The following UTRN variants were observed in gnomAD, a reference collection of about 807,000 sequenced individuals.
The protein encoded by UTRN is utrophin.
UTRN carries 283 observed loss-of-function variants against 463.9 expected under a neutral mutation model. The ratio of observed to expected loss-of-function variants is 0.61; its 90% CI spans 0.55 to 0.67. The LOEUF (loss-of-function observed/expected upper bound fraction) is 0.67. Ranked by LOEUF, UTRN falls within the 30% of genes least tolerant of loss-of-function variation. UTRN has a pLI of 0.00. For synonymous variants in UTRN, 1,442 were observed against 1,431.5 expected (o/e 1.01, Z -0.17); for missense variants, 3,922 against 4,084.3 (o/e 0.96, Z 1.08).
chr6:144,553,100 C>T (rs1799067091), intron 48 of UTRN, among the ~76,000 whole-genome samples: 1 of 152,102 alleles, frequency 6.6e-6, no homozygotes, highest in Middle Eastern at 3.2e-3. Context: ...TGCAATGGTG[C>T]AATCTTGACT....
At position 144,447,699 on chromosome 6, in the gene UTRN, C is replaced by G. The variant is rs752346680; in HGVS notation, c.1820C>G (p.Ser607Cys). The change falls in exon 16 of 75, where the codon TCT becomes TGT. Residue 607 changes from serine (S) to cysteine (C), a missense_variant. Physicochemically the swap from Ser to Cys is moderately radical, Grantham distance 112. Coordinates refer to ENST00000367545, the MANE Select transcript of UTRN (RefSeq NM_007124.3). ...CAATTACTTGATAATTCCAAGGCAT[C>G]TAAGAAGATCAACAGTGACTCAGAG... ...VGQLLDNSKA[S>C]KKINSDSEEL... is the part of the protein sequence containing the mutation. 1.1e-5 allele frequency: 17 copies of G among 1,613,882 alleles called. No individual in the cohort carries two copies. Among genetic ancestry groups the G allele is most frequent in the African/African-American group, 1.3e-5 (1 of 74,894 alleles).
intron 3 of UTRN, among the ~76,000 whole-genome samples, chr6:144,418,486 G>A (rs1784551670): frequency 6.6e-6 from 1 of 151,732 alleles, no homozygotes; most frequent in African/African-American, 2.4e-5. Flanking sequence ...GCCTCCTAAA[G>A]TGCTGGGATT....
intron 33 of UTRN, among the ~76,000 whole-genome samples, chr6:144,496,178 T>C (rs1451452518): frequency 6.6e-6 from 1 of 152,216 alleles, no homozygotes; most frequent in African/African-American, 2.4e-5. Context: ...TAGGTAATAT[T>C]GAAAACCCAT....
At position 144,762,373 on chromosome 6, in the gene UTRN, A is replaced by T. The variant is rs1416404924; in HGVS notation, c.8495+4384A>T. The stretch of plus-strand genomic sequence containing the variant: ...GATTATATTTAGGAAGGAGGATAGT[A>T]GTGGAGAAAGTATGAGCAAACATCC... On this transcript the variant is annotated intron_variant, in intron 58 of 74. Coordinates refer to ENST00000367545, the MANE Select transcript of UTRN (RefSeq NM_007124.3). Among the ~76,000 whole-genome samples the T allele has an allele frequency of 2.0e-5, 3 of 152,204 alleles. No individual in the cohort carries two copies. In the East Asian group the frequency reaches 5.8e-4, roughly 29 times the overall value.
Position 144,516,381 on chromosome 6 carries a change from T to A in UTRN, c.5397T>A (p.Asp1799Glu), listed in dbSNP as rs201803430. 1.2e-6 allele frequency: 2 copies of A among 1,612,568 alleles called. No individual in the cohort carries two copies. ...VEKHLESSDE[D>E]EKMDEESAQI... ...AACACTTGGAATCCAGTGATGAAGA[T>A]GAAAAGGTTGGTTCAAGGAGATTTC... is the stretch of plus-strand genomic sequence containing the variant. The change falls in exon 38 of 75, where the codon GAT (aspartate) becomes GAA (glutamate). Residue 1799 changes from aspartate (D) to glutamate (E), a missense_variant. By Grantham distance (45) the Asp-to-Glu change is conservative. This residue lies in a region of UTRN where 2,349 missense variants were observed against 2,303.8 expected (regional missense o/e 1.02). Coordinates refer to ENST00000367545, the MANE Select transcript of UTRN (RefSeq NM_007124.3).
chr6:144,313,354 T>C (rs187175565), intron 2 of UTRN, among the ~76,000 whole-genome samples: 122 of 139,536 alleles, frequency 8.7e-4, no homozygotes, highest in Non-Finnish European at 1.4e-4. Flanking sequence ...TTTCTGATAC[T>C]GAAAAAAAAA....
intron 39 of UTRN, among the ~76,000 whole-genome samples, chr6:144,518,901 G>C (rs112099248): frequency 0.038 from 5,765 of 152,114 alleles, 291 homozygotes; most frequent in African/African-American, 0.11. Flanking sequence ...GAGAATTACT[G>C]TGGGGGAGCT....
chr6:144,444,497 A>C, intron 14 of UTRN, 115 bp downstream of exon 14: 1 of 582,416 alleles, frequency 1.7e-6, no homozygotes, highest in Non-Finnish European at 2.7e-6. Context: ...AAAATATATA[A>C]ATAATTATTT....
At chr6:144,744,447 T>A (rs1790472739) in intron 54 of UTRN, among the ~76,000 whole-genome samples, 1 of 147,728 alleles carries the variant, frequency 6.8e-6, no homozygotes. Flanking sequence ...TACTTATGTA[T>A]AATATATACA....
chr6:144,291,764 G>T lies in UTRN; in HGVS notation c.-65G>T. The T allele has an allele frequency of 6.8e-7, 1 of 1,467,362 alleles. No individual in the cohort carries two copies. The highest frequency in any genetic ancestry group is 1.2e-5 in the South Asian group (1 of 80,704). The allele number at this position is 1,467,362 out of a possible 1,614,324, so 90.9% of individuals were successfully genotyped here. ...ATTGATGTCAAGCTGAACCATCGTA[G>T]GAAGTTGAAAGCCTTAGAAAGAGGA... On this transcript the variant is annotated 5_prime_UTR_variant, in exon 2 of 75. It adds an upstream start codon to the 5' untranslated region. Coordinates refer to ENST00000367545, the MANE Select transcript of UTRN (RefSeq NM_007124.3).
intron 52 of UTRN, among the ~76,000 whole-genome samples, chr6:144,687,319 C>T (rs1393537725): frequency 6.6e-6 from 1 of 151,898 alleles, no homozygotes; most frequent in Non-Finnish European, 1.5e-5. Flanking sequence ...TCTTTCTCAC[C>T]TAACGCATAA....
chr6:144,350,285 A>G (rs1778000029), intron 2 of UTRN, among the ~76,000 whole-genome samples: 1 of 152,144 alleles, frequency 6.6e-6, no homozygotes, highest in Admixed American at 6.5e-5. Context: ...ATGCAAAATG[A>G]AAATTCTACA....
At chr6:144,676,476 A>G (rs1328488717) in intron 51 of UTRN, among the ~76,000 whole-genome samples, 1 of 151,484 alleles carries the variant, frequency 6.6e-6, no homozygotes, top group Non-Finnish European at 1.5e-5. Flanking sequence ...GCCTGAATAT[A>G]TCAGTTATTC....
chr6:144,290,752 CTTTTTTTTTTTTTTTT>C (rs200477118), intron 1 of UTRN, among the ~76,000 whole-genome samples: 8 of 99,138 alleles, frequency 8.1e-5, no homozygotes, highest in African/African-American at 2.5e-4. Flanking sequence ...CCACAATCGT[CTTTTTTTTTTTTTTTT>C]TTTTTTTTTT....
chr6:144,349,743 G>A (rs535271623), intron 2 of UTRN, among the ~76,000 whole-genome samples: 2 of 152,260 alleles, frequency 1.3e-5, no homozygotes, highest in Non-Finnish European at 2.9e-5. Flanking sequence ...ATTTGGATCT[G>A]TTTCATGTTT....
Position 144,832,602 on chromosome 6 carries a change from G to A in UTRN, c.9666-3178G>A, listed in dbSNP as rs539105467. On this transcript the variant is annotated intron_variant, in intron 69 of 74. Transcript: ENST00000367545. Reference sequence around the variant, plus strand: ...TAAATGTTCTGAGGGCATAATGGTGGCTTGTGATCTTGGAGGAACTCTACG... The same window carrying A: ...TAAATGTTCTGAGGGCATAATGGTGACTTGTGATCTTGGAGGAACTCTACG... Among the ~76,000 whole-genome samples the A allele has an allele frequency of 1.8e-4, 27 of 152,266 alleles. No homozygotes were observed. The East Asian group carries it at 2.9e-3, about 16-fold the overall frequency.
intron 32 of UTRN, among the ~76,000 whole-genome samples, chr6:144,492,356 A>C (rs1436115040): frequency 2.0e-5 from 3 of 152,128 alleles, no homozygotes; most frequent in African/African-American, 7.2e-5. Flanking sequence ...ACATGATTTC[A>C]TTTTTTATGG....
At chr6:144,689,642 G>A (rs1250692178) in intron 52 of UTRN, among the ~76,000 whole-genome samples, 1 of 152,082 alleles carries the variant, frequency 6.6e-6, no homozygotes, top group Non-Finnish European at 1.5e-5. Flanking sequence ...ATCCAGTGAT[G>A]TGACCTGTCC....
At chr6:144,436,227 G>A in intron 10 of UTRN, 89 bp downstream of exon 10, 3 of 1,317,590 alleles carry the variant, frequency 2.3e-6, no homozygotes, top group Non-Finnish European at 3.1e-6. Flanking sequence ...GTTATCTACT[G>A]AATTCTGTTC....
Sources: gnomAD v4.1 joint callset for allele counts (sites outside exome capture counted in the v4.1 genomes callset) on GRCh38, gnomAD v4.1.1 for gene constraint, gnomAD v4.1.1 regional missense constraint, MANE v1.5 for transcripts, NCBI Gene and HGNC (gene_info 2026-07-23, HGNC 2026-07-21) for gene names.